The following GNPAT variants were observed in gnomAD, a reference collection of about 807,000 sequenced individuals.
GNPAT encodes the protein dihydroxyacetone phosphate acyltransferase.
Under a neutral mutation model 78.4 loss-of-function variants are expected in GNPAT, and 30 were observed. The ratio of observed to expected loss-of-function variants is 0.38; its 90% CI spans 0.29 to 0.52. GNPAT has a LOEUF of 0.52. Ranked by LOEUF, GNPAT falls within the 20% of genes least tolerant of loss-of-function variation. The pLI, the probability that GNPAT is intolerant of heterozygous loss-of-function variation, is 0.84. For synonymous variants in GNPAT, 271 were observed against 281.1 expected (o/e 0.96, Z 0.36); for missense variants, 714 against 812.2 (o/e 0.88, Z 1.47).
At chr1:231,248,411 C>T (rs894573846) in intron 1 of GNPAT, among the ~76,000 whole-genome samples, 3 of 151,904 alleles carry the variant, frequency 2.0e-5, no homozygotes, top group African/African-American at 7.3e-5. Flanking sequence ...TGGATTTGCC[C>T]TCTCAGGAGT....
intron 2 of GNPAT, among the ~76,000 whole-genome samples, chr1:231,256,946 A>G (rs1177289167): frequency 6.6e-6 from 1 of 152,178 alleles, no homozygotes; most frequent in African/African-American, 2.4e-5. Context: ...AGATGTCTCA[A>G]GTTTATAATG....
intron 12 of GNPAT, 154 bp from the exon 13 acceptor site, chr1:231,275,067 G>T: frequency 1.6e-6 from 1 of 620,268 alleles, no homozygotes; most frequent in South Asian, 1.9e-5. Context: ...AAATTCTTTG[G>T]TTTTTCTGGG....
At chr1:231,260,355 G>T in intron 2 of GNPAT, 152 bp from the exon 3 acceptor site, 2 of 633,280 alleles carry the variant, frequency 3.2e-6, no homozygotes, top group Non-Finnish European at 5.5e-6. Flanking sequence ...TATCTACTAT[G>T]ACTGTGTTGG....
intron 4 of GNPAT, among the ~76,000 whole-genome samples, chr1:231,265,064 G>C (rs1048244473): frequency 6.6e-6 from 1 of 152,128 alleles, no homozygotes; most frequent in Admixed American, 6.5e-5. Flanking sequence ...AATAATGTTT[G>C]AGTTTAGGCC....
chr1:231,254,715 T>C (rs1047095996), intron 2 of GNPAT, among the ~76,000 whole-genome samples: 7 of 151,780 alleles, frequency 4.6e-5, no homozygotes, highest in African/African-American at 1.7e-4. Flanking sequence ...CCCAAAGTGC[T>C]ACAATTATAG....
chr1:231,265,412 A>C lies in GNPAT; in HGVS notation c.688A>C (p.Met230Leu). ...TGTATTCTCTGAATATGTAAAAACT[A>C]TGTTACGGGTAAATGCAAATAATTC... ...WAVFSEYVKT[M>L]LRNGYAPVEF... Residue 230 changes from methionine to leucine, a missense_variant, in exon 5 of 16, where the codon ATG (methionine) becomes CTG (leucine). Coordinates refer to ENST00000366647, the MANE Select transcript of GNPAT (RefSeq NM_014236.4). 1 of 1,607,656 alleles carries C rather than the reference A, an allele frequency of 6.2e-7. No homozygotes were observed. The highest frequency in any genetic ancestry group is 8.5e-7 in the Non-Finnish European group (1 of 1,174,078).
intron 2 of GNPAT, among the ~76,000 whole-genome samples, chr1:231,256,052 G>C (rs1489894144): frequency 2.6e-5 from 4 of 152,046 alleles, no homozygotes; most frequent in African/African-American, 9.7e-5. Context: ...CCAGCCTCTG[G>C]TTTTATTCTA....
intron 2 of GNPAT, among the ~76,000 whole-genome samples, chr1:231,257,227 G>T (rs1242673982): frequency 6.6e-6 from 1 of 152,166 alleles, no homozygotes; most frequent in African/African-American, 2.4e-5. Context: ...CTACCTGTCA[G>T]CCCTTTCCAC....
chr1:231,265,642 A>G (rs1286273107), intron 5 of GNPAT, 70 bp from the exon 6 acceptor site: 1 of 1,006,568 alleles, frequency 9.9e-7, no homozygotes, highest in African/African-American at 1.6e-5. Flanking sequence ...GGGAAAAGGA[A>G]TCAAAAGAAG....
Position 231,266,123 on chromosome 1 carries a change from G to A in GNPAT, c.882G>A (p.Val294=). 6.2e-7 allele frequency: 1 copy of A among 1,612,216 alleles called. No individual in the cohort carries two copies. The highest frequency in any genetic ancestry group is 2.2e-5 in the East Asian group (1 of 44,870). ...YDKILEETLY[V]YELLGVPKPK... is the part of the protein sequence containing the mutation. Reference sequence around the variant, plus strand: ...AGATCTTGGAAGAAACTCTTTATGTGTATGAGCTTCTAGGGGTTCCTAAAC... The same window carrying A: ...AGATCTTGGAAGAAACTCTTTATGTATATGAGCTTCTAGGGGTTCCTAAAC... Residue 294 remains valine (V), a synonymous_variant, in exon 7 of 16, where the codon GTG becomes GTA. Transcript: ENST00000366647.
Position 231,277,602 on chromosome 1 carries a change from T to G in GNPAT, c.*60T>G. ...TAATTACTCTCATCGAAGGACTCAT[T>G]ACAACAAACAGGGAAGTAAAGGAAG... On this transcript the variant is annotated 3_prime_UTR_variant, in exon 16 of 16. Transcript: ENST00000366647. 1.0e-6 allele frequency: 1 copy of G among 954,668 alleles called. No homozygotes were observed. The allele number at this position is 954,668 out of a possible 1,614,324, so 59.1% of individuals were successfully genotyped here.
Position 231,276,191 on chromosome 1 carries a change from T to C in GNPAT, c.1994T>C (p.Met665Thr), listed in dbSNP as rs1306843174. ...CCTGCCACAACCAAATTAGAAGAAA[T>C]GCTTGGTAAGTGCAGTTTAATAAAA... is the stretch of plus-strand genomic sequence containing the variant. ...NEPATTKLEEMLGCKTPIGKP... is the reference protein window; with the variant it reads ...NEPATTKLEETLGCKTPIGKP... The change falls in exon 15 of 16, where the codon ATG becomes ACG. Residue 665 changes from methionine (M) to threonine (T), a missense_variant. Coordinates refer to ENST00000366647, the MANE Select transcript of GNPAT (RefSeq NM_014236.4). 1.4e-6 allele frequency: 2 copies of C among 1,427,592 alleles called. No individual in the cohort carries two copies. The highest frequency in any genetic ancestry group is 1.2e-5 in the South Asian group (1 of 86,902). The allele number at this position is 1,427,592 out of a possible 1,614,324, so 88.4% of individuals were successfully genotyped here. A position where few individuals can be genotyped will look rare whatever the true frequency, so the allele number is the denominator to read the frequency against.
chr1:231,264,020 ATCTT>A (rs1685300902), intron 4 of GNPAT, among the ~76,000 whole-genome samples: 1 of 152,168 alleles, frequency 6.6e-6, no homozygotes, highest in African/African-American at 2.4e-5. Context: ...TGCAAATATT[ATCTT>A]CCATTTCATG....
intron 3 of GNPAT, among the ~76,000 whole-genome samples, chr1:231,261,761 C>T (rs974037053): frequency 3.9e-5 from 6 of 152,034 alleles, no homozygotes; most frequent in Non-Finnish European, 7.4e-5. Context: ...AAGAGCTTTC[C>T]TTATGAAGAG....
rs1685752189 is a variant in GNPAT at position 231,277,552 on chromosome 1, A to C, written c.*10A>C. 6.6e-7 allele frequency: 1 copy of C among 1,525,458 alleles called. No homozygotes were observed. 94.5% of individuals were successfully genotyped at this position (1,525,458 alleles called of 1,614,324 possible). On this transcript the variant is annotated 3_prime_UTR_variant, in exon 16 of 16. Transcript: ENST00000366647. Reference sequence around the variant, plus strand: ...CACTGCAAAACTTTAATAATCAACAAATAGTTATGGAAAATTCGGTCACGT... The same window carrying C: ...CACTGCAAAACTTTAATAATCAACACATAGTTATGGAAAATTCGGTCACGT...
chr1:231,250,074 T>TC (rs763242858), intron 1 of GNPAT, among the ~76,000 whole-genome samples: 30 of 136,474 alleles, frequency 2.2e-4, no homozygotes, highest in Non-Finnish European at 4.2e-4. Flanking sequence ...AGCAAGACTG[T>TC]ACCTCTTTAT....
chr1:231,256,479 C>CTTTTTTTTT (rs10693276), intron 2 of GNPAT, among the ~76,000 whole-genome samples: 9 of 75,918 alleles, frequency 1.2e-4, no homozygotes, highest in Admixed American at 2.0e-4. Flanking sequence ...CTAATTTTCT[C>CTTTTTTTTT]TTTTTTTTTT....
At chr1:231,241,539 C>T (rs769166674) in intron 1 of GNPAT, 83 bp downstream of exon 1, 1 of 1,033,482 alleles carries the variant, frequency 9.7e-7, no homozygotes, top group Non-Finnish European at 1.5e-6. Context: ...CTCCGGCCCA[C>T]CACCCTTGCC....
At chr1:231,269,332 C>T (rs1329532322) in intron 9 of GNPAT, among the ~76,000 whole-genome samples, 1 of 152,136 alleles carries the variant, frequency 6.6e-6, no homozygotes, top group Non-Finnish European at 1.5e-5. Flanking sequence ...AGAGATTCAT[C>T]AGTGATATTA....
Sources: gnomAD v4.1 joint callset for allele counts (sites outside exome capture counted in the v4.1 genomes callset) on GRCh38, gnomAD v4.1.1 for gene constraint, MANE v1.5 for transcripts, NCBI Gene and HGNC (gene_info 2026-07-23, HGNC 2026-07-21) for gene names.